C11orf65: variants seen among roughly 807,000 people sequenced by gnomAD.
C11orf65 encodes chromosome 11 open reading frame 65.
C11orf65 carries 38 observed loss-of-function variants against 35.3 expected under a neutral mutation model. The observed-to-expected ratio is 1.08, with a 90% CI of 0.83 to 1.41. The LOEUF is 1.41. Among genes scored for constraint, C11orf65 ranks in the 40% most tolerant of loss-of-function variants. The pLI, the probability that C11orf65 is intolerant of heterozygous loss-of-function variation, is 0.00. For synonymous variants in C11orf65, 105 were observed against 114.4 expected (o/e 0.92, Z 0.53); for missense variants, 370 against 367.1 (o/e 1.01, Z -0.06).
chr11:108,367,883 T>G (rs939797504), intron 2 of C11orf65: 2 of 205,384 alleles, frequency 9.7e-6, no homozygotes, highest in Non-Finnish European at 2.0e-5. Context: ...ATATTGGTAG[T>G]TTTATTACTA....
intron 2 of C11orf65, among the ~76,000 whole-genome samples, chr11:108,373,760 CCCTTTCCTGGTCA>C (rs2091637522): frequency 6.6e-6 from 1 of 152,186 alleles, no homozygotes; most frequent in Admixed American, 6.5e-5. Flanking sequence ...TCCGGGAGTT[CCCTTTCCTGGTCA>C]AGGAAAGGGG....
chr11:108,431,163 A>G (rs2092984153), intron 3 of C11orf65, among the ~76,000 whole-genome samples: 1 of 152,036 alleles, frequency 6.6e-6, no homozygotes, highest in Admixed American at 6.6e-5. Flanking sequence ...TTCCATTTCT[A>G]GGTGTAGTAT....
At chr11:108,448,989 AACAG>A (rs2093308351) in intron 2 of C11orf65, among the ~76,000 whole-genome samples, 1 of 152,186 alleles carries the variant, frequency 6.6e-6, no homozygotes, top group Non-Finnish European at 1.5e-5. Context: ...ATACACCAAT[AACAG>A]ACAAACAGAG....
chr11:108,334,044 T>G (rs1591185884), intron 3 of C11orf65: 1 of 1,182,854 alleles, frequency 8.5e-7, no homozygotes, highest in East Asian at 2.4e-5. Context: ...AATAGTATTT[T>G]TATGTAGGTC....
At chr11:108,370,396 T>C (rs1385527344) in intron 2 of C11orf65, among the ~76,000 whole-genome samples, 2 of 152,030 alleles carry the variant, frequency 1.3e-5, no homozygotes. Context: ...TTTCTATGTA[T>C]ATAATCATAT....
chr11:108,336,005 G>T (rs1387244932), intron 2 of C11orf65: 1 of 1,472,966 alleles, frequency 6.8e-7, no homozygotes. Flanking sequence ...ACATATAAAA[G>T]ATGCCATTTG....
intron 2 of C11orf65, chr11:108,368,473 A>G (rs2091446552): frequency 4.7e-6 from 1 of 213,564 alleles, no homozygotes; most frequent in Non-Finnish European, 9.5e-6. Flanking sequence ...TTGCAAGATT[A>G]GTGATACTAT....
At chr11:108,389,344 G>A (rs1296544649) in intron 7 of C11orf65, among the ~76,000 whole-genome samples, 1 of 152,214 alleles carries the variant, frequency 6.6e-6, no homozygotes, top group Non-Finnish European at 1.5e-5. Context: ...CCTTTGCAAA[G>A]TTTGGTCTTA....
chr11:108,387,550 C>T (rs1287927418), intron 7 of C11orf65, among the ~76,000 whole-genome samples: 1 of 152,032 alleles, frequency 6.6e-6, no homozygotes, highest in African/African-American at 2.4e-5. Context: ...TTTATGGAGA[C>T]AAGGTCTCGC....
chr11:108,320,071 G>T, intron 6 of C11orf65: 1 of 1,539,416 alleles, frequency 6.5e-7, no homozygotes, highest in Non-Finnish European at 9.0e-7. Flanking sequence ...ATTATGAAAA[G>T]ACAAAGTTAC....
intron 6 of C11orf65, among the ~76,000 whole-genome samples, chr11:108,402,562 T>G (rs1309226998): frequency 2.7e-5 from 4 of 150,380 alleles, no homozygotes; most frequent in Non-Finnish European, 5.9e-5. Context: ...GTTTTTAATT[T>G]TTTTTTTTTT....
At chr11:108,347,227 T>C (rs2088528495) in intron 2 of C11orf65, 1 of 1,336,112 alleles carries the variant, frequency 7.5e-7, no homozygotes, top group Admixed American at 1.7e-5. Context: ...GGCTATATAT[T>C]AGAAAGAGAT....
chr11:108,363,786 A>G (rs1171631412), intron 2 of C11orf65, among the ~76,000 whole-genome samples: 3 of 152,176 alleles, frequency 2.0e-5, no homozygotes, highest in East Asian at 3.8e-4. Flanking sequence ...CTTAATTCTA[A>G]TATTTGCAAG....
Position 108,309,103 on chromosome 11 carries a change from C to T in C11orf65, c.641-32G>A, listed in dbSNP as rs1025968873. On this transcript the variant is annotated intron_variant, in intron 6 of 6. Coordinates refer to the C11orf65 transcript ENST00000525729. ...AAAGTATGAATGGGATATAGAAAAA[C>T]GGGTAAAGACATGCATTCAAGTCCA... The T allele has an allele frequency of 2.5e-5, 32 of 1,263,934 alleles. No homozygotes were observed. Among genetic ancestry groups the T allele is most frequent in the Admixed American group, 4.0e-5 (2 of 50,468 alleles). The allele number at this position is 1,263,934 out of a possible 1,614,324, so 78.3% of individuals were successfully genotyped here. A position where few individuals can be genotyped will look rare whatever the true frequency, so the allele number is the denominator to read the frequency against.
chr11:108,347,776 A>G (rs992282981), intron 2 of C11orf65, among the ~76,000 whole-genome samples: 5 of 152,160 alleles, frequency 3.3e-5, no homozygotes, highest in Non-Finnish European at 7.4e-5. Context: ...GATTGGTACT[A>G]GACTGTAAAA....
At position 108,326,306 on chromosome 11, in the gene C11orf65, C is replaced by T. The variant is rs958305548; in HGVS notation, c.641-17235G>A. 19 of 1,506,316 alleles carry T rather than the reference C, an allele frequency of 1.3e-5. No individual in the cohort carries two copies. In the Admixed American group the frequency reaches 1.3e-4, roughly 10 times the overall value. The allele number at this position is 1,506,316 out of a possible 1,614,324, so 93.3% of individuals were successfully genotyped here. A position where few individuals can be genotyped will look rare whatever the true frequency, so the allele number is the denominator to read the frequency against. On this transcript the variant is annotated intron_variant, in intron 6 of 6. Coordinates refer to the C11orf65 transcript ENST00000525729. ...ATGTACTTTAAAATATTTTTAATAA[C>T]AATTTTATTAGAGCCTTGAAATTAG...
intron 3 of C11orf65, among the ~76,000 whole-genome samples, chr11:108,430,576 G>A (rs540760082): frequency 1.3e-5 from 2 of 151,796 alleles, no homozygotes; most frequent in African/African-American, 4.8e-5. Flanking sequence ...GGGTACGGTG[G>A]TTTACACCTG....
rs1317848959 is a variant in C11orf65, at chr11:108,333,989, G to A, written c.299+1231C>T. The A allele has an allele frequency of 3.2e-6, 5 of 1,568,758 alleles. No homozygotes were observed. The Admixed American group carries it at 5.0e-5, about 16-fold the overall frequency. ...TTAAGGTAATTTGCAATTAACTCTT[G>A]ATTTTTTTTAAACTAAATTTTTTTT... is the stretch of plus-strand genomic sequence containing the variant. On this transcript the variant is annotated intron_variant, in intron 3 of 3. Coordinates refer to the C11orf65 transcript ENST00000524755.
intron 2 of C11orf65, among the ~76,000 whole-genome samples, chr11:108,348,676 ATAAT>A (rs1233983893): frequency 3.3e-5 from 5 of 152,146 alleles, no homozygotes; most frequent in African/African-American, 1.2e-4. Context: ...AAGAACAAAA[ATAAT>A]TAAAGGAAAT....
Sources: gnomAD v4.1 joint callset for allele counts (sites outside exome capture counted in the v4.1 genomes callset) on GRCh38, gnomAD v4.1.1 for gene constraint, MANE v1.5 for transcripts, NCBI Gene and HGNC (gene_info 2026-07-23, HGNC 2026-07-21) for gene names.